Variants in FUT9 observed in about 807,000 individuals in gnomAD.
FUT9 encodes the protein fucosyltransferase 9.
FUT9 carries 15 observed loss-of-function variants against 29.7 expected under a neutral mutation model. That is an observed-to-expected ratio of 0.51 (90% CI 0.34 to 0.78). The LOEUF (loss-of-function observed/expected upper bound fraction) is 0.78, where lower values mean the gene tolerates loss of function less well. Among genes scored for constraint, FUT9 ranks in the 30% least tolerant of loss-of-function variants. The probability of loss-of-function intolerance (pLI) is 0.01; values close to 1 mark genes in which losing one functional copy is unlikely to be tolerated. For missense variants in FUT9, 319 were observed against 425.4 expected (o/e 0.75, Z 2.20); for synonymous variants, 169 against 153.7 (o/e 1.10, Z -0.74).
intron 1 of FUT9, among the ~76,000 whole-genome samples, chr6:96,110,388 T>G (rs190501302): frequency 6.6e-6 from 1 of 152,166 alleles, no homozygotes; most frequent in Admixed American, 6.5e-5. Context: ...GATTGCAAAG[T>G]GAATCTGTCA....
At chr6:96,116,577 C>A (rs541149082) in intron 2 of FUT9, among the ~76,000 whole-genome samples, 2 of 152,234 alleles carry the variant, frequency 1.3e-5, no homozygotes, top group East Asian at 1.9e-4. Context: ...TGTGGTAAAT[C>A]TATAAAGGGG....
chr6:96,098,120 T>A (rs1412762081), intron 1 of FUT9, among the ~76,000 whole-genome samples: 2 of 146,690 alleles, frequency 1.4e-5, no homozygotes, highest in Admixed American at 6.9e-5. Flanking sequence ...GAAAAAAAAA[T>A]AAGACTTGCA....
At chr6:96,046,892 CAG>C (rs776091479) in intron 1 of FUT9, among the ~76,000 whole-genome samples, 1 of 152,138 alleles carries the variant, frequency 6.6e-6, no homozygotes, top group Non-Finnish European at 1.5e-5. Context: ...AAAAAATTAT[CAG>C]AGTGACAGAA....
intron 1 of FUT9, among the ~76,000 whole-genome samples, chr6:96,112,988 G>A (rs1172268021): frequency 1.3e-5 from 2 of 152,074 alleles, no homozygotes; most frequent in African/African-American, 4.8e-5. Flanking sequence ...CAGATGTTTA[G>A]GCAAATCATC....
At chr6:96,104,417 A>G (rs1302714123) in intron 1 of FUT9, among the ~76,000 whole-genome samples, 2 of 152,226 alleles carry the variant, frequency 1.3e-5, no homozygotes, top group Non-Finnish European at 2.9e-5. Context: ...ATGAATTTAG[A>G]TCTGCATATT....
chr6:96,040,782 C>G (rs970441547), intron 1 of FUT9, among the ~76,000 whole-genome samples: 1 of 151,934 alleles, frequency 6.6e-6, no homozygotes, highest in Non-Finnish European at 1.5e-5. Flanking sequence ...AGGATGAATC[C>G]CTGGATTTGG....
At chr6:96,158,267 A>G (rs147203677) in intron 2 of FUT9, among the ~76,000 whole-genome samples, 13 of 152,200 alleles carry the variant, frequency 8.5e-5, no homozygotes, top group African/African-American at 3.1e-4. Flanking sequence ...AATTCATTTC[A>G]TATCATAATG....
intron 2 of FUT9, among the ~76,000 whole-genome samples, chr6:96,170,983 A>G (rs1773102945): frequency 1.3e-5 from 2 of 152,068 alleles, no homozygotes; most frequent in African/African-American, 4.8e-5. Context: ...CTACATTCTC[A>G]CTGTTTCAGC....
Position 96,203,346 on chromosome 6 carries a change from C to G in FUT9, c.191C>G (p.Thr64Ser). ...ACCAAAACTGATTATTTTAATGAAA[C>G]TACTATTCTGGTGTGGGTGTGGCCA... Reference protein sequence around the residue: ...FSTKTDYFNETTILVWVWPFG... With the variant: ...FSTKTDYFNESTILVWVWPFG... Residue 64 changes from threonine to serine, a missense_variant, in exon 3 of 3, where the codon ACT becomes AGT. Transcript: ENST00000302103. The G allele has an allele frequency of 6.2e-7, 1 of 1,613,710 alleles. No individual in the cohort carries two copies.
chr6:96,082,873 T>G (rs2127951336), intron 1 of FUT9, among the ~76,000 whole-genome samples: 1 of 152,118 alleles, frequency 6.6e-6, no homozygotes, highest in East Asian at 1.9e-4. Context: ...GTGCATTGGG[T>G]TTACCTACTT....
intron 1 of FUT9, among the ~76,000 whole-genome samples, chr6:96,057,674 G>A (rs1186199191): frequency 6.6e-6 from 1 of 152,060 alleles, no homozygotes; most frequent in East Asian, 1.9e-4. Flanking sequence ...CACAATTTTT[G>A]CTACAGAAAA....
rs908169663 is a variant in FUT9, at chr6:96,210,598, T to G, written c.*6363T>G. The G allele has an allele frequency of 6.0e-6, 1 of 166,786 alleles. No homozygotes were observed. The highest frequency in any genetic ancestry group is 2.4e-5 in the African/African-American group (1 of 41,368). 10.3% of individuals were successfully genotyped at this position (166,786 alleles called of 1,614,324 possible). On this transcript the variant is annotated 3_prime_UTR_variant, in exon 3 of 3. Transcript: ENST00000302103. ...TATTAGGAAAATAAAAGATTATATA[T>G]CTTGAAAAAAATCTCTAATTTGCTT... is the stretch of plus-strand genomic sequence containing the variant.
intron 2 of FUT9, among the ~76,000 whole-genome samples, chr6:96,139,082 AC>A (rs1772412865): frequency 6.6e-6 from 1 of 152,162 alleles, no homozygotes; most frequent in South Asian, 2.1e-4. Flanking sequence ...ATGAAGAAAC[AC>A]CAGAGACTGG....
intron 1 of FUT9, among the ~76,000 whole-genome samples, chr6:96,108,036 C>T (rs1438016392): frequency 6.7e-6 from 1 of 149,626 alleles, no homozygotes; most frequent in Non-Finnish European, 1.5e-5. Context: ...GGGGAGATGA[C>T]CTTTAAATCA....
At chr6:96,069,955 G>A (rs765495790) in intron 1 of FUT9, among the ~76,000 whole-genome samples, 22 of 151,088 alleles carry the variant, frequency 1.5e-4, no homozygotes, top group Non-Finnish European at 2.9e-4. Context: ...TTAAAACACA[G>A]CTAAAAAAAC....
chr6:96,029,664 G>A (rs944414111), intron 1 of FUT9, among the ~76,000 whole-genome samples: 3 of 151,466 alleles, frequency 2.0e-5, no homozygotes, highest in African/African-American at 7.3e-5. Flanking sequence ...CAAATTATAA[G>A]ATATACAAAA....
chr6:96,172,654 GA>G (rs5878421), intron 2 of FUT9, among the ~76,000 whole-genome samples: 63,392 of 149,518 alleles, frequency 0.42, 14,292 homozygotes, highest in South Asian at 0.71. Flanking sequence ...GCCCGTTATT[GA>G]AAAAAAAAAC....
At chr6:96,164,092 C>T (rs1184473192) in intron 2 of FUT9, among the ~76,000 whole-genome samples, 1 of 152,006 alleles carries the variant, frequency 6.6e-6, no homozygotes, top group Admixed American at 6.6e-5. Context: ...GATGCAGAAC[C>T]TCAGTGCAAC....
intron 1 of FUT9, among the ~76,000 whole-genome samples, chr6:96,074,434 T>C (rs905979677): frequency 6.6e-6 from 1 of 152,140 alleles, no homozygotes; most frequent in African/African-American, 2.4e-5. Flanking sequence ...AGTTTATTAA[T>C]ATATAGTTAG....
Sources: gnomAD v4.1 joint callset for allele counts (sites outside exome capture counted in the v4.1 genomes callset) on GRCh38, gnomAD v4.1.1 for gene constraint, MANE v1.5 for transcripts, NCBI Gene and HGNC (gene_info 2026-07-23, HGNC 2026-07-21) for gene names.